RGS6: variants seen among roughly 807,000 people sequenced by gnomAD.
The protein encoded by RGS6 is regulator of G-protein signaling 6.
RGS6 carries 30 observed loss-of-function variants against 78.5 expected under a neutral mutation model. The ratio of observed to expected loss-of-function variants is 0.38; its 90% CI spans 0.29 to 0.52. The LOEUF is 0.52. RGS6 is among the 20% of genes least tolerant of loss of function. RGS6 has a pLI of 0.85. For missense variants in RGS6, 495 were observed against 609.7 expected, an observed-to-expected ratio of 0.81 and a Z score of 1.98; for synonymous variants, 206 against 206.0, an observed-to-expected ratio of 1.00 and a Z score of 0.00.
intron 3 of RGS6, among the ~76,000 whole-genome samples, chr14:72,409,613 T>G (rs1470740617): frequency 6.6e-6 from 1 of 152,170 alleles, no homozygotes; most frequent in Admixed American, 6.5e-5. Context: ...GTGCACAATG[T>G]GCAGGTTTGT....
intron 3 of RGS6, among the ~76,000 whole-genome samples, chr14:72,380,993 A>T (rs1230577204): frequency 6.6e-6 from 1 of 152,110 alleles, no homozygotes; most frequent in Non-Finnish European, 1.5e-5. Context: ...GAATACTATT[A>T]GGCTAAGGAA....
chr14:72,476,614 A>C, intron 10 of RGS6, 128 bp from the exon 11 acceptor site: 1 of 652,656 alleles, frequency 1.5e-6, no homozygotes, highest in Non-Finnish European at 2.7e-6. Flanking sequence ...AAGAAATAAA[A>C]GCAGAGACCA....
the RGS6 span, among the ~76,000 whole-genome samples, chr14:72,605,485 G>A: frequency 5.3e-5 from 8 of 152,222 alleles, no homozygotes; most frequent in South Asian, 4.1e-4. Context: ...AGTTTAGCCC[G>A]AACATTCCTA....
At chr14:72,585,724 C>T in the RGS6 span, among the ~76,000 whole-genome samples, 4 of 152,186 alleles carry the variant, frequency 2.6e-5, no homozygotes, top group African/African-American at 4.8e-5. Context: ...TTCTGGGTAG[C>T]ACGTCAAAAC....
chr14:72,492,288 G>A (rs904459141), intron 12 of RGS6, among the ~76,000 whole-genome samples: 1 of 152,236 alleles, frequency 6.6e-6, no homozygotes, highest in African/African-American at 2.4e-5. Context: ...GGGAAGCCTT[G>A]TAGAAATGTG....
intron 2 of RGS6, among the ~76,000 whole-genome samples, chr14:72,232,296 A>G (rs189127716): frequency 1.8e-4 from 28 of 152,312 alleles, no homozygotes; most frequent in Admixed American, 1.8e-3. Flanking sequence ...TCTGACCCAG[A>G]TTCTGAAGTC....
chr14:72,349,116 T>A (rs2529468), intron 2 of RGS6, among the ~76,000 whole-genome samples: 1 of 151,958 alleles, frequency 6.6e-6, no homozygotes, highest in Non-Finnish European at 1.5e-5. Context: ...GCAGTGAGCC[T>A]AGATCACGCC....
At chr14:72,199,737 A>T (rs924510800) in intron 2 of RGS6, among the ~76,000 whole-genome samples, 2 of 152,150 alleles carry the variant, frequency 1.3e-5, no homozygotes, top group African/African-American at 2.4e-5. Flanking sequence ...ATCCTTTGTA[A>T]GATGTTATGA....
intron 2 of RGS6, among the ~76,000 whole-genome samples, chr14:72,299,134 A>G (rs1329107639): frequency 6.6e-6 from 1 of 152,212 alleles, no homozygotes; most frequent in Non-Finnish European, 1.5e-5. Flanking sequence ...GCATCTTTAT[A>G]GAGATATAAC....
At chr14:72,266,357 C>T (rs1159948514) in intron 2 of RGS6, among the ~76,000 whole-genome samples, 1 of 152,064 alleles carries the variant, frequency 6.6e-6, no homozygotes, top group Non-Finnish European at 1.5e-5. Flanking sequence ...GTGTAAGTGG[C>T]CAAGCCTCCT....
chr14:72,152,740 A>C (rs1251700606), intron 2 of RGS6, among the ~76,000 whole-genome samples: 1 of 152,146 alleles, frequency 6.6e-6, no homozygotes, highest in Non-Finnish European at 1.5e-5. Flanking sequence ...CTCCTCTGGC[A>C]CTTCAGGGGA....
intron 15 of RGS6, among the ~76,000 whole-genome samples, chr14:72,518,854 A>G (rs1211392971): frequency 6.6e-6 from 1 of 152,238 alleles, no homozygotes; most frequent in Non-Finnish European, 1.5e-5. Context: ...AGAACACAGC[A>G]TTGGGGAAGT....
chr14:71,961,871 C>T (rs149589058), intron 1 of RGS6, among the ~76,000 whole-genome samples: 1 of 152,022 alleles, frequency 6.6e-6, no homozygotes. Flanking sequence ...AAATTTAAAC[C>T]CATTTCTATT....
intron 2 of RGS6, among the ~76,000 whole-genome samples, chr14:72,278,905 C>G (rs986570895): frequency 6.6e-6 from 1 of 152,098 alleles, no homozygotes; most frequent in Non-Finnish European, 1.5e-5. Flanking sequence ...TCCCCACTTC[C>G]TGGCTGTGGG....
At chr14:71,962,380 G>A (rs1388877666) in intron 1 of RGS6, among the ~76,000 whole-genome samples, 2 of 152,106 alleles carry the variant, frequency 1.3e-5, no homozygotes, top group Non-Finnish European at 2.9e-5. Context: ...TTTCTAGATA[G>A]AAGAGAATGT....
At chr14:72,578,693 G>A in the RGS6 span, among the ~76,000 whole-genome samples, 4 of 152,210 alleles carry the variant, frequency 2.6e-5, no homozygotes, top group East Asian at 1.9e-4. Flanking sequence ...CGCACACAGC[G>A]GGGTATGGCT....
intron 2 of RGS6, among the ~76,000 whole-genome samples, chr14:72,008,391 GA>G (rs954971455): frequency 5.3e-5 from 8 of 152,166 alleles, no homozygotes; most frequent in African/African-American, 1.7e-4. Flanking sequence ...GACTTTTGGG[GA>G]CAGTAGGAGG....
chr14:72,044,145 C>G (rs1363433596), intron 2 of RGS6, among the ~76,000 whole-genome samples: 3 of 152,170 alleles, frequency 2.0e-5, no homozygotes, highest in African/African-American at 7.2e-5. Context: ...CTAGCAATTC[C>G]TTTAGATTCT....
At chr14:72,465,734 T>C in intron 6 of RGS6, 24 bp from the exon 7 acceptor site, 1 of 1,591,296 alleles carries the variant, frequency 6.3e-7, no homozygotes, top group East Asian at 2.2e-5. Context: ...TTTGTACATG[T>C]TGTCATTTCC....
Sources: gnomAD v4.1 joint callset for allele counts (sites outside exome capture counted in the v4.1 genomes callset) on GRCh38, gnomAD v4.1.1 for gene constraint, MANE v1.5 for transcripts, NCBI Gene and HGNC (gene_info 2026-07-23, HGNC 2026-07-21) for gene names.